FTO: variants seen among roughly 807,000 people sequenced by gnomAD.
The protein encoded by FTO is FTO alpha-ketoglutarate dependent dioxygenase.
Under a neutral mutation model 63.9 loss-of-function variants are expected in FTO, and 47 were observed. The ratio of observed to expected loss-of-function variants is 0.74; its 90% confidence interval spans 0.58 to 0.94. The LOEUF is 0.94. Among genes scored for constraint, FTO ranks in the 40% least tolerant of loss-of-function variants. FTO has a pLI of 0.00. For synonymous variants in FTO, 207 were observed against 224.4 expected, an observed-to-expected ratio of 0.92 and a Z score of 0.69; for missense variants, 562 against 618.1, an observed-to-expected ratio of 0.91 and a Z score of 0.96.
chr16:53,783,239 C>T (rs965900582), intron 1 of FTO, among the ~76,000 whole-genome samples: 5 of 151,978 alleles, frequency 3.3e-5, no homozygotes, highest in Admixed American at 2.0e-4. Flanking sequence ...CCCAGCACTT[C>T]GGGAGCCTGA....
chr16:53,855,357 C>G (rs149268596), intron 4 of FTO, among the ~76,000 whole-genome samples: 227 of 152,094 alleles, frequency 1.5e-3, no homozygotes, highest in African/African-American at 4.8e-3. Flanking sequence ...ATTTCTCTTT[C>G]TTAGAATTTT....
At chr16:53,834,421 T>C (rs1433690468) in intron 3 of FTO, among the ~76,000 whole-genome samples, 1 of 152,224 alleles carries the variant, frequency 6.6e-6, no homozygotes, top group African/African-American at 2.4e-5. Flanking sequence ...TTAAATTCTA[T>C]ACTACTGAAT....
chr16:54,085,822 C>T (rs1265454701), intron 8 of FTO, among the ~76,000 whole-genome samples: 2 of 152,194 alleles, frequency 1.3e-5, no homozygotes, highest in African/African-American at 4.8e-5. Flanking sequence ...ACCGCACCCT[C>T]TCTCTGGCTT....
chr16:54,067,888 C>T (rs1379369658), intron 8 of FTO, among the ~76,000 whole-genome samples: 2 of 152,130 alleles, frequency 1.3e-5, no homozygotes, highest in African/African-American at 4.8e-5. Flanking sequence ...GGCTAAGCAG[C>T]TCTGTGTTTA....
At chr16:53,761,702 T>G (rs1180492891) in intron 1 of FTO, among the ~76,000 whole-genome samples, 1 of 152,134 alleles carries the variant, frequency 6.6e-6, no homozygotes, top group African/African-American at 2.4e-5. Context: ...TAGCAAAGAA[T>G]TCTCTACTGT....
rs533271605 is a variant in FTO at position 53,963,501 on chromosome 16, G to A, written c.1364+29392G>A. Among the ~76,000 whole-genome samples the A allele has an allele frequency of 5.3e-5, 8 of 152,252 alleles. No homozygotes were observed. In the South Asian group the frequency reaches 1.2e-3, roughly 24 times the overall value. ...GAGCCTGGTGGGAGGTGTTTGGATC[G>A]TGGGACAGAGTTCTCATGAATGGTT... On this transcript the variant is annotated intron_variant, in intron 8 of 8. Transcript: ENST00000471389.
At chr16:53,784,820 G>T (rs1388291321) in intron 1 of FTO, among the ~76,000 whole-genome samples, 1 of 152,068 alleles carries the variant, frequency 6.6e-6, no homozygotes, top group Non-Finnish European at 1.5e-5. Flanking sequence ...TTGCAGATAT[G>T]TTCATATACA....
chr16:53,810,096 G>T, intron 1 of FTO, 44 bp from the exon 2 acceptor site: 1 of 1,284,794 alleles, frequency 7.8e-7, no homozygotes, highest in South Asian at 1.2e-5. Flanking sequence ...TCTTACTTTG[G>T]GTTATTGCAT....
At chr16:53,926,867 A>C (rs12933343) in intron 7 of FTO, among the ~76,000 whole-genome samples, 91,205 of 151,712 alleles carry the variant, frequency 0.6, 28,154 homozygotes, top group East Asian at 0.85. Context: ...AAAAAAAATC[A>C]TTTTTTGTGT....
chr16:54,010,309 G>A (rs554249330), intron 8 of FTO, among the ~76,000 whole-genome samples: 2 of 152,234 alleles, frequency 1.3e-5, no homozygotes, highest in South Asian at 2.1e-4. Flanking sequence ...CTACTCAGGC[G>A]ATGGGAGGAT....
chr16:53,761,043 TCCTC>T (rs1275558881), intron 1 of FTO, among the ~76,000 whole-genome samples: 2 of 151,526 alleles, frequency 1.3e-5, no homozygotes, highest in African/African-American at 2.4e-5. Flanking sequence ...CCTTCTCCCT[TCCTC>T]CCTCCCTCCC....
intron 8 of FTO, among the ~76,000 whole-genome samples, chr16:53,989,640 T>C (rs1289974064): frequency 6.6e-6 from 1 of 152,106 alleles, no homozygotes; most frequent in Non-Finnish European, 1.5e-5. Context: ...TAGACTCTAG[T>C]CTCCTCATCT....
intron 1 of FTO, among the ~76,000 whole-genome samples, chr16:53,795,731 A>AT (rs1374470957): frequency 6.6e-6 from 1 of 152,212 alleles, no homozygotes; most frequent in Non-Finnish European, 1.5e-5. Flanking sequence ...AGAGGAAAAA[A>AT]CATTTTTGAG....
chr16:53,946,049 TTC>T (rs2082643740), intron 8 of FTO, among the ~76,000 whole-genome samples: 1 of 152,190 alleles, frequency 6.6e-6, no homozygotes, highest in Admixed American at 6.5e-5. Context: ...AACTCTGGCT[TTC>T]AGTTGAGGAA....
chr16:54,048,793 TA>T lies in FTO; in HGVS notation c.1365-62965del, dbSNP rs1270134720. On this transcript the variant is annotated intron_variant, in intron 8 of 8. Transcript: ENST00000471389. ...AAGCCTCCGAGTTGACATCTTCTTC[TA>T]AAATTGTTTGGCTGTAATAAATATA... Among the ~76,000 whole-genome samples the T allele has an allele frequency of 3.9e-5, 6 of 152,214 alleles. No homozygotes were observed. The East Asian group carries it at 1.2e-3, about 29-fold the overall frequency.
chr16:53,968,430 T>C (rs1457937198), intron 8 of FTO, among the ~76,000 whole-genome samples: 2 of 152,200 alleles, frequency 1.3e-5, no homozygotes, highest in Non-Finnish European at 2.9e-5. Flanking sequence ...TAAAACCAAG[T>C]ACAGCACCAT....
At chr16:54,070,298 A>G (rs1306493117) in intron 8 of FTO, 1 of 152,200 alleles carries the variant, frequency 6.6e-6, no homozygotes, top group Non-Finnish European at 1.5e-5. Flanking sequence ...CTGATTTTAT[A>G]TAGCATTCTT....
At chr16:54,089,903 G>A (rs1481297032) in intron 8 of FTO, among the ~76,000 whole-genome samples, 1 of 151,916 alleles carries the variant, frequency 6.6e-6, no homozygotes, top group African/African-American at 2.4e-5. Flanking sequence ...GCAAGCATGT[G>A]GAGAAATGGG....
intron 4 of FTO, among the ~76,000 whole-genome samples, chr16:53,861,653 C>A (rs1567371985): frequency 6.6e-6 from 1 of 152,102 alleles, no homozygotes; most frequent in Non-Finnish European, 1.5e-5. Flanking sequence ...TTAGGTGAAA[C>A]ATCTTTCCAT....
Sources: allele counts gnomAD v4.1 joint callset (sites outside exome capture counted in the v4.1 genomes callset), GRCh38; gene constraint gnomAD v4.1.1; transcripts MANE v1.5; gene names NCBI Gene and HGNC (gene_info 2026-07-23, HGNC 2026-07-21).